Variants in FOXP2 observed in about 807,000 individuals in gnomAD.
FOXP2 encodes the protein forkhead box P2.
FOXP2 carries 12 observed loss-of-function variants against 115.8 expected under a neutral mutation model. The observed-to-expected ratio is 0.10, with a 90% CI of 0.07 to 0.17. The LOEUF (loss-of-function observed/expected upper bound fraction) is 0.17. Among genes scored for constraint, FOXP2 ranks in the 10% least tolerant of loss-of-function variants. The pLI, the probability that FOXP2 is intolerant of heterozygous loss-of-function variation, is 1.00. For synonymous variants in FOXP2, 328 were observed against 297.7 expected (o/e 1.10, Z -1.05); for missense variants, 629 against 843.5 (o/e 0.75, Z 3.15).
intron 1 of FOXP2, among the ~76,000 whole-genome samples, chr7:114,276,439 A>G (rs1459995422): frequency 6.6e-6 from 1 of 152,120 alleles, no homozygotes; most frequent in Admixed American, 6.6e-5. Flanking sequence ...TGCTAGAATT[A>G]CAGGTATGAG....
chr7:114,458,366 T>C (rs1795411580), intron 2 of FOXP2, among the ~76,000 whole-genome samples: 1 of 152,018 alleles, frequency 6.6e-6, no homozygotes, highest in South Asian at 2.1e-4. Context: ...AATGTTATTC[T>C]TATAAACATC....
intron 3 of FOXP2, among the ~76,000 whole-genome samples, chr7:114,577,951 T>C (rs1329214586): frequency 1.3e-5 from 2 of 149,642 alleles, no homozygotes; most frequent in Non-Finnish European, 2.9e-5. Flanking sequence ...CAGAGAGTTG[T>C]GCAATTGTAG....
chr7:114,457,701 A>T (rs751113684), intron 2 of FOXP2, among the ~76,000 whole-genome samples: 2 of 152,130 alleles, frequency 1.3e-5, no homozygotes, highest in Non-Finnish European at 2.9e-5. Context: ...GATCGAGACC[A>T]TCCTGCCTAA....
chr7:114,373,979 A>G (rs1792077289), intron 2 of FOXP2, among the ~76,000 whole-genome samples: 1 of 152,172 alleles, frequency 6.6e-6, no homozygotes, highest in African/African-American at 2.4e-5. Flanking sequence ...CTGATCTTCC[A>G]ATATTCCAGT....
intron 1 of FOXP2, among the ~76,000 whole-genome samples, chr7:114,107,798 T>G (rs1288146075): frequency 1.3e-5 from 2 of 151,952 alleles, no homozygotes; most frequent in Admixed American, 1.3e-4. Flanking sequence ...TGGATGAATT[T>G]AAACCAATAT....
chr7:114,498,139 T>C (rs1676890222), intron 2 of FOXP2, among the ~76,000 whole-genome samples: 1 of 152,182 alleles, frequency 6.6e-6, no homozygotes, highest in African/African-American at 2.4e-5. Context: ...GAGGTTTTCT[T>C]TCTTAAATTT....
intron 1 of FOXP2, among the ~76,000 whole-genome samples, chr7:114,214,037 A>G (rs1584550381): frequency 6.6e-6 from 1 of 152,352 alleles, no homozygotes; most frequent in Admixed American, 6.5e-5. Context: ...ACACTTATTT[A>G]TTAAACTGTA....
chr7:114,608,266 C>A (rs564787138), intron 3 of FOXP2, among the ~76,000 whole-genome samples: 1 of 152,322 alleles, frequency 6.6e-6, no homozygotes, highest in East Asian at 1.9e-4. Flanking sequence ...CACAAGGCTG[C>A]AATTGGTGTT....
intron 2 of FOXP2, among the ~76,000 whole-genome samples, chr7:114,302,013 A>T (rs78380802): frequency 0.023 from 3,514 of 152,288 alleles, 89 homozygotes; most frequent in African/African-American, 0.055. Context: ...AAATGATTAA[A>T]GATAAAAAGT....
At chr7:114,096,680 T>C (rs1427233536) in intron 1 of FOXP2, among the ~76,000 whole-genome samples, 1 of 152,206 alleles carries the variant, frequency 6.6e-6, no homozygotes, top group African/African-American at 2.4e-5. Context: ...ATTCATATTA[T>C]ATTAAAGGAA....
intron 1 of FOXP2, among the ~76,000 whole-genome samples, chr7:114,279,247 G>C (rs951072786): frequency 1.3e-5 from 2 of 152,152 alleles, no homozygotes; most frequent in African/African-American, 2.4e-5. Flanking sequence ...ACTGGTAAAT[G>C]TATTATATTG....
chr7:114,354,191 T>G (rs1409552051), intron 2 of FOXP2, among the ~76,000 whole-genome samples: 1 of 152,110 alleles, frequency 6.6e-6, no homozygotes, highest in Non-Finnish European at 1.5e-5. Context: ...CTTCTGGTTC[T>G]TGGGCCTTTG....
chr7:114,283,252 A>C (rs919022717), intron 1 of FOXP2, among the ~76,000 whole-genome samples: 8 of 152,216 alleles, frequency 5.3e-5, no homozygotes, highest in Admixed American at 4.6e-4. Context: ...TTATTCAGGA[A>C]ACCATGTGCT....
intron 2 of FOXP2, among the ~76,000 whole-genome samples, chr7:114,384,987 T>A (rs900052352): frequency 2.6e-5 from 4 of 151,906 alleles, no homozygotes; most frequent in East Asian, 3.9e-4. Flanking sequence ...CTTTTTTTTT[T>A]AACTATTTCT....
intron 3 of FOXP2, among the ~76,000 whole-genome samples, chr7:114,554,385 C>A (rs1800357981): frequency 2.0e-5 from 3 of 152,054 alleles, no homozygotes; most frequent in African/African-American, 7.2e-5. Context: ...GACTGTACTT[C>A]TATTTTAAAT....
At chr7:114,522,041 T>C (rs989677182) in intron 2 of FOXP2, among the ~76,000 whole-genome samples, 2 of 152,204 alleles carry the variant, frequency 1.3e-5, no homozygotes, top group Admixed American at 1.3e-4. Flanking sequence ...ATGCTGTGCA[T>C]TCTTGGGGTT....
chr7:114,241,717 A>G (rs1262192835), intron 1 of FOXP2, among the ~76,000 whole-genome samples: 2 of 146,344 alleles, frequency 1.4e-5, no homozygotes, highest in Admixed American at 7.2e-5. Flanking sequence ...ATGGGAAATA[A>G]AACGTAAAAA....
chr7:114,688,841 T>A (rs1267027508), intron 16 of FOXP2, among the ~76,000 whole-genome samples: 1 of 152,136 alleles, frequency 6.6e-6, no homozygotes, highest in Non-Finnish European at 1.5e-5. Flanking sequence ...GGGCTGAAGT[T>A]GATTAATGGC....
At chr7:114,463,482 G>T (rs1795668846) in intron 2 of FOXP2, among the ~76,000 whole-genome samples, 1 of 152,120 alleles carries the variant, frequency 6.6e-6, no homozygotes, top group African/African-American at 2.4e-5. Context: ...AAATATAAAT[G>T]GGTACATGTG....
Sources: gnomAD v4.1 joint callset for allele counts (sites outside exome capture counted in the v4.1 genomes callset) on GRCh38, gnomAD v4.1.1 for gene constraint, MANE v1.5 for transcripts, NCBI Gene and HGNC (gene_info 2026-07-23, HGNC 2026-07-21) for gene names.